FSTL4: variants seen among roughly 807,000 people sequenced by gnomAD.
FSTL4 encodes follistatin-related protein 4.
FSTL4 carries 28 observed loss-of-function variants against 78.2 expected under a neutral mutation model. That is an observed-to-expected ratio of 0.36 (90% confidence interval 0.27 to 0.49). FSTL4 has a LOEUF of 0.49. Ranked by LOEUF, FSTL4 falls within the 20% of genes least tolerant of loss-of-function variation. The pLI is 0.98. For synonymous variants in FSTL4, 422 were observed against 440.5 expected, an observed-to-expected ratio of 0.96 and a Z score of 0.53; for missense variants, 922 against 1,084.9, an observed-to-expected ratio of 0.85 and a Z score of 2.11.
chr5:133,460,374 A>G (rs537955522), intron 3 of FSTL4, among the ~76,000 whole-genome samples: 2 of 152,052 alleles, frequency 1.3e-5, no homozygotes, highest in Non-Finnish European at 2.9e-5. Flanking sequence ...TCTGTCCGCC[A>G]TCTGATTTTG....
chr5:133,292,738 A>C (rs940382600), intron 6 of FSTL4, among the ~76,000 whole-genome samples: 19 of 30,832 alleles, frequency 6.2e-4, no homozygotes, highest in African/African-American at 1.5e-3. Flanking sequence ...GAAAAGAGAC[A>C]AAAAAAAAAT....
chr5:133,769,659 T>A, the FSTL4 span, among the ~76,000 whole-genome samples: 16 of 152,316 alleles, frequency 1.1e-4, no homozygotes, highest in Admixed American at 1.0e-3. Flanking sequence ...CATAAGTAAG[T>A]ATTTCCATTT....
the FSTL4 span, among the ~76,000 whole-genome samples, chr5:133,729,478 C>T: frequency 6.6e-6 from 1 of 152,132 alleles, no homozygotes; most frequent in African/African-American, 2.4e-5. Context: ...ATCTGGAGTG[C>T]CCAATAAGTA....
intron 4 of FSTL4, among the ~76,000 whole-genome samples, chr5:133,341,669 C>A (rs968971936): frequency 6.6e-6 from 1 of 152,140 alleles, no homozygotes. Flanking sequence ...CTCCAGCCCC[C>A]GCTCTCTGCT....
chr5:133,232,315 C>T (rs181493802), intron 8 of FSTL4, among the ~76,000 whole-genome samples: 59 of 152,286 alleles, frequency 3.9e-4, no homozygotes, highest in Admixed American at 1.8e-3. Context: ...GTGGTGGCCC[C>T]GCCTGTGCAT....
intron 4 of FSTL4, among the ~76,000 whole-genome samples, chr5:133,381,289 G>T (rs1054824507): frequency 8.5e-5 from 13 of 152,168 alleles, no homozygotes; most frequent in African/African-American, 1.2e-4. Context: ...ATACATCGTG[G>T]CATAGTTATA....
At chr5:133,778,505 T>C in the FSTL4 span, among the ~76,000 whole-genome samples, 8 of 152,198 alleles carry the variant, frequency 5.3e-5, no homozygotes, top group Admixed American at 6.5e-5. Flanking sequence ...CTCAACCCAA[T>C]TGCAGCCAAA....
At chr5:133,210,676 A>AGAT (rs1195395085) in intron 13 of FSTL4, among the ~76,000 whole-genome samples, 6 of 151,976 alleles carry the variant, frequency 3.9e-5, no homozygotes, top group African/African-American at 7.3e-5. Context: ...TTTTTAGTAG[A>AGAT]GATGGGATTT....
At chr5:133,312,512 T>A (rs1753809723) in intron 6 of FSTL4, 142 bp downstream of exon 6, 1 of 708,194 alleles carries the variant, frequency 1.4e-6, no homozygotes, top group Non-Finnish European at 2.5e-6. Context: ...CTCAGGCTTG[T>A]TGCAGAACAA....
chr5:133,302,760 C>T (rs1337658517), intron 6 of FSTL4, among the ~76,000 whole-genome samples: 1 of 152,248 alleles, frequency 6.6e-6, no homozygotes, highest in African/African-American at 2.4e-5. Context: ...GCGCATGCCA[C>T]ACGTGGGCAA....
chr5:133,507,091 C>A (rs1439270367), intron 3 of FSTL4, among the ~76,000 whole-genome samples: 1 of 152,106 alleles, frequency 6.6e-6, no homozygotes, highest in East Asian at 1.9e-4. Flanking sequence ...GCCTGTAATC[C>A]CAGCTGCTTG....
intron 3 of FSTL4, among the ~76,000 whole-genome samples, chr5:133,510,409 G>A (rs1431668747): frequency 6.6e-6 from 1 of 152,092 alleles, no homozygotes; most frequent in Non-Finnish European, 1.5e-5. Flanking sequence ...AAACCCCAAG[G>A]ACTGTGCATG....
At chr5:133,356,555 A>G (rs1754948709) in intron 4 of FSTL4, among the ~76,000 whole-genome samples, 1 of 152,230 alleles carries the variant, frequency 6.6e-6, no homozygotes, top group Non-Finnish European at 1.5e-5. Context: ...TGTTTCAGGA[A>G]ACCTCTCAGC....
chr5:133,395,724 T>A (rs577207922), intron 4 of FSTL4, among the ~76,000 whole-genome samples: 1 of 140,128 alleles, frequency 7.1e-6, no homozygotes, highest in African/African-American at 3.3e-5. Flanking sequence ...ATGCCTGTAC[T>A]CCTAGAAAGC....
intron 13 of FSTL4, among the ~76,000 whole-genome samples, chr5:133,214,523 T>C (rs1180924558): frequency 6.6e-6 from 1 of 152,218 alleles, no homozygotes. Context: ...TGGGCCCTCA[T>C]TGTTGCCCAG....
the FSTL4 span, among the ~76,000 whole-genome samples, chr5:133,686,249 A>G: frequency 0.36 from 55,350 of 151,942 alleles, 10,133 homozygotes; most frequent in South Asian, 0.4. Flanking sequence ...CTGTTCCTCT[A>G]CTCACTAGCT....
chr5:133,386,771 C>T (rs893722783), intron 4 of FSTL4, among the ~76,000 whole-genome samples: 3 of 152,110 alleles, frequency 2.0e-5, no homozygotes, highest in Non-Finnish European at 4.4e-5. Flanking sequence ...GAAATATGGA[C>T]GTTTTTCTTC....
chr5:133,395,365 A>G (rs1246623118), intron 4 of FSTL4, among the ~76,000 whole-genome samples: 1 of 152,196 alleles, frequency 6.6e-6, no homozygotes, highest in Admixed American at 6.5e-5. Context: ...CTCACCGCGA[A>G]GGTCCGCAGC....
chr5:133,663,429 GAT>G, the FSTL4 span, among the ~76,000 whole-genome samples: 2 of 152,192 alleles, frequency 1.3e-5, no homozygotes, highest in African/African-American at 4.8e-5. Flanking sequence ...TTTTAAAAAA[GAT>G]ATCAATGAGC....
Sources: allele counts gnomAD v4.1 joint callset (sites outside exome capture counted in the v4.1 genomes callset), GRCh38; gene constraint gnomAD v4.1.1; transcripts MANE v1.5; gene names NCBI Gene and HGNC (gene_info 2026-07-23, HGNC 2026-07-21).